Variants in ICA1 observed in about 807,000 individuals in gnomAD.
The protein encoded by ICA1 is islet cell autoantigen 1.
In ICA1, 40 loss-of-function variants were observed where a neutral mutation model predicts 71.0. That is an observed-to-expected ratio of 0.56 (90% CI 0.44 to 0.73). The LOEUF (loss-of-function observed/expected upper bound fraction) is 0.73. Among genes scored for constraint, ICA1 ranks in the 30% least tolerant of loss-of-function variants. The pLI is 0.00. For missense variants in ICA1, 578 were observed against 576.5 expected (o/e 1.00, Z -0.03); for synonymous variants, 207 against 209.5 (o/e 0.99, Z 0.10).
intron 6 of ICA1, among the ~76,000 whole-genome samples, chr7:8,174,326 T>TATGACA (rs1253854061): frequency 3.9e-5 from 6 of 152,212 alleles, no homozygotes; most frequent in African/African-American, 1.4e-4. Context: ...AAAAGGTACC[T>TATGACA]ATGACAATAT....
At chr7:8,243,086 T>C (rs1168367908) in intron 1 of ICA1, among the ~76,000 whole-genome samples, 1 of 152,196 alleles carries the variant, frequency 6.6e-6, no homozygotes, top group Non-Finnish European at 1.5e-5. Flanking sequence ...ATCATCCTGA[T>C]ACCAAAGCCT....
intron 6 of ICA1, among the ~76,000 whole-genome samples, chr7:8,165,443 A>G: frequency 6.6e-6 from 1 of 152,190 alleles, no homozygotes; most frequent in East Asian, 1.9e-4. Context: ...TCTTCTCAGC[A>G]TTCCCCTTGA....
intron 8 of ICA1, among the ~76,000 whole-genome samples, chr7:8,151,395 T>A (rs1349793125): frequency 6.6e-6 from 1 of 152,180 alleles, no homozygotes; most frequent in East Asian, 1.9e-4. Context: ...GTGGCCTTGG[T>A]CAGTCCCTCC....
chr7:8,195,967 G>C (rs908652641), intron 6 of ICA1, among the ~76,000 whole-genome samples: 1 of 147,442 alleles, frequency 6.8e-6, no homozygotes, highest in Non-Finnish European at 1.5e-5. Context: ...AACAGAGTGA[G>C]GCTCCGTCTC....
chr7:8,169,915 T>TGTGTGTGTGTGTGC (rs1346693011), intron 6 of ICA1, among the ~76,000 whole-genome samples: 2 of 151,708 alleles, frequency 1.3e-5, no homozygotes, highest in Non-Finnish European at 2.9e-5. Flanking sequence ...TGTGTGTGTG[T>TGTGTGTGTGTGTGC]GTGTGTGTGT....
rs147073801 is a variant in ICA1 at position 8,210,834 on chromosome 7, T to C, written c.579+7471A>G. On this transcript the variant is annotated intron_variant, in intron 6 of 13. Transcript: ENST00000402384. ...GGCTCAAGGGATCCTCACCTCAGCTTCCTGGGTAGCTGGGATTACAGACGT... is the reference window on the plus strand; with the variant it reads ...GGCTCAAGGGATCCTCACCTCAGCTCCCTGGGTAGCTGGGATTACAGACGT... Among the ~76,000 whole-genome samples the C allele has an allele frequency of 9.2e-3, 1,406 of 152,246 alleles. 28 individuals carry two copies. Among genetic ancestry groups the C allele is most frequent in the African/African-American group, 0.032 (1,319 of 41,542 alleles).
At chr7:8,176,096 G>A (rs1780548591) in intron 6 of ICA1, among the ~76,000 whole-genome samples, 1 of 152,260 alleles carries the variant, frequency 6.6e-6, no homozygotes, top group Non-Finnish European at 1.5e-5. Context: ...AACAGCCAGT[G>A]TGTAGAAATG....
At chr7:8,227,875 T>G (rs761780436) in intron 4 of ICA1, 1 of 450,720 alleles carries the variant, frequency 2.2e-6, no homozygotes, top group Admixed American at 2.4e-5. Flanking sequence ...TGTCAGACAA[T>G]GCACCCAGCC....
chr7:8,243,683 C>A (rs1332847431), intron 1 of ICA1, among the ~76,000 whole-genome samples: 1 of 152,090 alleles, frequency 6.6e-6, no homozygotes, highest in African/African-American at 2.4e-5. Flanking sequence ...GTCTCAGCCC[C>A]AAATCTCCTT....
intron 6 of ICA1, among the ~76,000 whole-genome samples, chr7:8,163,868 C>T (rs768364394): frequency 5.3e-5 from 8 of 152,096 alleles, no homozygotes; most frequent in Non-Finnish European, 1.2e-4. Flanking sequence ...ACCTTGTTGG[C>T]GTGCTCAGGA....
chr7:8,213,913 C>T (rs150215397), intron 6 of ICA1, among the ~76,000 whole-genome samples: 260 of 152,318 alleles, frequency 1.7e-3, no homozygotes, highest in African/African-American at 6.0e-3. Flanking sequence ...TAAATAGATA[C>T]GCACCTGCAA....
Position 8,123,437 on chromosome 7 carries a change from G to A in ICA1, c.1330+4436C>T, listed in dbSNP as rs1192393613. On this transcript the variant is annotated intron_variant, in intron 13 of 13. Transcript: ENST00000402384. This position sits in a 1 kb window ranked among gnomAD's most constrained non-coding sequence, Gnocchi z 4.1. ...AGGGGGTGAGGGAGCTGGGGACGCG[G>A]CCCAGAGCTTGCACTTCAGTCCTGG... Among the ~76,000 whole-genome samples the A allele has an allele frequency of 6.6e-6, 1 of 151,828 alleles. No individual in the cohort carries two copies. Among genetic ancestry groups the A allele is most frequent in the Non-Finnish European group, 1.5e-5 (1 of 67,994 alleles).
chr7:8,240,141 G>A (rs553467686), intron 1 of ICA1, among the ~76,000 whole-genome samples: 2 of 152,352 alleles, frequency 1.3e-5, no homozygotes, highest in South Asian at 4.1e-4. Context: ...CCTCCCAGTA[G>A]GGGCTGACAG....
chr7:8,158,953 A>T (rs1298319477), intron 6 of ICA1, among the ~76,000 whole-genome samples: 4 of 152,232 alleles, frequency 2.6e-5, no homozygotes. Flanking sequence ...AGAAGACTGG[A>T]GACAAGCAGG....
intron 10 of ICA1, among the ~76,000 whole-genome samples, chr7:8,140,060 T>G (rs1332163873): frequency 6.6e-6 from 1 of 152,216 alleles, no homozygotes; most frequent in African/African-American, 2.4e-5. Context: ...AGAGAAAATT[T>G]GATTCCCCTG....
intron 7 of ICA1, 106 bp downstream of exon 7, chr7:8,158,421 C>A (rs938094306): frequency 1.4e-6 from 2 of 1,424,462 alleles, no homozygotes; most frequent in South Asian, 1.3e-5. Flanking sequence ...GAAAGGCATT[C>A]AGAACTTCAC....
intron 6 of ICA1, among the ~76,000 whole-genome samples, chr7:8,181,376 G>A (rs1782150263): frequency 6.6e-6 from 1 of 152,054 alleles, no homozygotes; most frequent in South Asian, 2.1e-4. Context: ...GCCTTAATTA[G>A]TTTAGCTTTA....
In ICA1 at chr7:8,166,028, C is replaced by T. The variant is rs188589334; in HGVS notation, c.580-7376G>A. On this transcript the variant is annotated intron_variant, in intron 6 of 13. Coordinates refer to ENST00000402384, the MANE Select transcript of ICA1 (RefSeq NM_001136020.3). ...AGTAGAAAGATCTATTTTAAAATTT[C>T]ATATAGAACCAAAAAAAGAGCCTAA... 3.0e-4 allele frequency among the ~76,000 whole-genome samples: 46 copies of T among 152,228 alleles called. No individual in the cohort carries two copies. The East Asian group carries it at 7.5e-3, about 25-fold the overall frequency.
intron 6 of ICA1, among the ~76,000 whole-genome samples, chr7:8,212,234 C>T (rs1794025803): frequency 2.0e-5 from 3 of 152,068 alleles, no homozygotes; most frequent in Admixed American, 6.5e-5. Context: ...TCTCCAGTAT[C>T]GACACTTCTC....
Sources: allele counts gnomAD v4.1 joint callset (sites outside exome capture counted in the v4.1 genomes callset), GRCh38; gene constraint gnomAD v4.1.1; non-coding constraint Gnocchi (gnomAD v3.1); transcripts MANE v1.5; gene names NCBI Gene and HGNC (gene_info 2026-07-23, HGNC 2026-07-21).